The following SPTLC2 variants were observed in gnomAD, a reference collection of about 807,000 sequenced individuals.
SPTLC2 encodes serine palmitoyltransferase long chain base subunit 2.
Under a neutral mutation model 62.0 loss-of-function variants are expected in SPTLC2, and 21 were observed. That is an observed-to-expected ratio of 0.34 (90% CI 0.24 to 0.49). The LOEUF (loss-of-function observed/expected upper bound fraction) is 0.49. SPTLC2 is among the 20% of genes least tolerant of loss of function. SPTLC2 has a pLI of 0.99. For synonymous variants in SPTLC2, 261 were observed against 261.8 expected (o/e 1.00, Z 0.03); for missense variants, 511 against 713.0 (o/e 0.72, Z 3.23).
intron 4 of SPTLC2, among the ~76,000 whole-genome samples, chr14:77,573,954 A>C (rs2079699133): frequency 6.6e-6 from 1 of 152,182 alleles, no homozygotes; most frequent in Admixed American, 6.5e-5. Flanking sequence ...TGTTTGACAC[A>C]CAGGAAGACA....
intron 2 of SPTLC2, among the ~76,000 whole-genome samples, chr14:77,583,201 A>ATAAATAAC (rs970769425): frequency 3.5e-5 from 3 of 86,080 alleles, no homozygotes; most frequent in Non-Finnish European, 5.1e-5. Flanking sequence ...AGCTGTCTCA[A>ATAAATAAC]TAAATAAATA....
intron 5 of SPTLC2, among the ~76,000 whole-genome samples, chr14:77,563,271 G>A (rs2079624847): frequency 6.6e-6 from 1 of 152,056 alleles, no homozygotes; most frequent in Admixed American, 6.6e-5. Flanking sequence ...AAGATACAAA[G>A]ACACACAGTC....
At chr14:77,599,555 A>G (rs2079866166) in intron 1 of SPTLC2, among the ~76,000 whole-genome samples, 1 of 152,242 alleles carries the variant, frequency 6.6e-6, no homozygotes, top group Admixed American at 6.5e-5. Flanking sequence ...ACAGGCATTC[A>G]GATAGGCATG....
chr14:77,606,008 G>A (rs1205029552), intron 1 of SPTLC2, among the ~76,000 whole-genome samples: 5 of 152,174 alleles, frequency 3.3e-5, no homozygotes, highest in African/African-American at 1.2e-4. Flanking sequence ...AGACTCTAAA[G>A]GTCTTTACAC....
chr14:77,524,069 A>AAT (rs984231453), intron 9 of SPTLC2, among the ~76,000 whole-genome samples: 1 of 152,214 alleles, frequency 6.6e-6, no homozygotes, highest in African/African-American at 2.4e-5. Context: ...TAGAAGAAAC[A>AAT]TGAGGAGAGA....
At chr14:77,533,767 C>T (rs1015310125) in intron 9 of SPTLC2, among the ~76,000 whole-genome samples, 8 of 152,114 alleles carry the variant, frequency 5.3e-5, no homozygotes, top group African/African-American at 1.9e-4. Context: ...CGTTTAGATT[C>T]GATAGCAAAA....
chr14:77,607,999 C>T (rs774243645), intron 1 of SPTLC2, among the ~76,000 whole-genome samples: 1 of 152,194 alleles, frequency 6.6e-6, no homozygotes, highest in African/African-American at 2.4e-5. Flanking sequence ...AGAGCTGACA[C>T]GTTTCCCCTT....
intron 5 of SPTLC2, among the ~76,000 whole-genome samples, chr14:77,568,091 C>T (rs1203180418): frequency 6.6e-6 from 1 of 152,156 alleles, no homozygotes; most frequent in African/African-American, 2.4e-5. Context: ...CCTGTATAAA[C>T]GTTTAATGCT....
chr14:77,608,779 C>T (rs551513262), intron 1 of SPTLC2, among the ~76,000 whole-genome samples: 1 of 151,816 alleles, frequency 6.6e-6, no homozygotes, highest in Non-Finnish European at 1.5e-5. Context: ...GGACCCCAGG[C>T]GTGGTAGGTC....
At position 77,530,310 on chromosome 14, in the gene SPTLC2, C is replaced by CT. The variant is rs200797063; in HGVS notation, c.1304-8730dup. Among the ~76,000 whole-genome samples, 246 of 84,366 alleles carry CT rather than the reference C, an allele frequency of 2.9e-3. 3 individuals carry two copies. The highest frequency in any genetic ancestry group is 8.2e-3 in the African/African-American group (229 of 27,856). 55.3% of individuals were successfully genotyped at this position (84,366 alleles called of 152,430 possible). On this transcript the variant is annotated intron_variant, in intron 9 of 11. Transcript: ENST00000216484. ...ATGCTCAACATTTAAACCACAGGAT[C>CT]TTTTTTAAAAAAAAAAAATATTTAT... is the stretch of plus-strand genomic sequence containing the variant.
intron 9 of SPTLC2, among the ~76,000 whole-genome samples, chr14:77,537,216 C>T (rs1285721222): frequency 1.3e-5 from 2 of 151,814 alleles, no homozygotes; most frequent in Non-Finnish European, 1.5e-5. Context: ...CTGCACCTGG[C>T]CTATGTACTT....
At chr14:77,614,188 T>C (rs976765122) in intron 1 of SPTLC2, among the ~76,000 whole-genome samples, 3 of 152,224 alleles carry the variant, frequency 2.0e-5, no homozygotes, top group Non-Finnish European at 4.4e-5. Flanking sequence ...TTCTTCACCT[T>C]ATTAGTTGGC....
intron 9 of SPTLC2, among the ~76,000 whole-genome samples, chr14:77,523,392 A>C (rs970355286): frequency 2.6e-5 from 4 of 152,122 alleles, no homozygotes; most frequent in African/African-American, 9.7e-5. Context: ...AGGACATCTG[A>C]GATTGGAGTG....
chr14:77,522,171 C>CT (rs974107902), intron 9 of SPTLC2, among the ~76,000 whole-genome samples: 35 of 148,974 alleles, frequency 2.3e-4, no homozygotes, highest in Middle Eastern at 6.8e-3. Flanking sequence ...CTTTTTCTTT[C>CT]TTTTTTTTTT....
intron 11 of SPTLC2, among the ~76,000 whole-genome samples, chr14:77,513,838 T>C (rs1594965516): frequency 1.4e-5 from 2 of 145,902 alleles, no homozygotes; most frequent in African/African-American, 5.1e-5. Flanking sequence ...GAGGCTGCGG[T>C]GAGTTGAGTT....
rs1290491348 is a variant in SPTLC2 at position 77,508,213 on chromosome 14, C to G, written c.*4071G>C. 1.3e-5 allele frequency: 2 copies of G among 152,198 alleles called. No individual in the cohort carries two copies. Among genetic ancestry groups the G allele is most frequent in the Non-Finnish European group, 2.9e-5 (2 of 68,042 alleles). 9.4% of individuals were successfully genotyped at this position (152,198 alleles called of 1,614,324 possible). On this transcript the variant is annotated 3_prime_UTR_variant, in exon 12 of 12. Transcript: ENST00000216484. ...AAAAAAATTTTTGTAGAGACAGGGTCTATCTTGCCCTGGCTGTCCTAACAA... is the reference window on the plus strand; with the variant it reads ...AAAAAAATTTTTGTAGAGACAGGGTGTATCTTGCCCTGGCTGTCCTAACAA...
At chr14:77,567,852 A>T (rs2079654420) in intron 5 of SPTLC2, among the ~76,000 whole-genome samples, 2 of 139,506 alleles carry the variant, frequency 1.4e-5, no homozygotes, top group Non-Finnish European at 1.5e-5. Flanking sequence ...TTTAAGATGG[A>T]GTCTGGCTGC....
intron 9 of SPTLC2, chr14:77,536,027 A>G (rs1217083106): frequency 2.3e-6 from 1 of 439,510 alleles, no homozygotes; most frequent in Non-Finnish European, 4.5e-6. Flanking sequence ...AACACAAAAG[A>G]AAAAGTTGGT....
rs766305278 is a variant in SPTLC2, at chr14:77,528,600, C to G, written c.1304-7019G>C. On this transcript the variant is annotated intron_variant, in intron 9 of 11. Coordinates refer to ENST00000216484, the MANE Select transcript of SPTLC2 (RefSeq NM_004863.4). ...TTTTCTATATCAGCTCAGGGTCCCT[C>G]AAATAGATAGCTCCAAGAATGGTTT... is the stretch of plus-strand genomic sequence containing the variant. Among the ~76,000 whole-genome samples, 54 of 152,014 alleles carry G rather than the reference C, an allele frequency of 3.6e-4. 1 individual carries two copies. The highest frequency in any genetic ancestry group is 7.4e-5 in the Non-Finnish European group (5 of 68,012).
Sources: allele counts gnomAD v4.1 joint callset (sites outside exome capture counted in the v4.1 genomes callset), GRCh38; gene constraint gnomAD v4.1.1; transcripts MANE v1.5; gene names NCBI Gene and HGNC (gene_info 2026-07-23, HGNC 2026-07-21).